Variants in CAST observed in about 807,000 individuals in gnomAD.
The protein encoded by CAST is calpastatin, also known as MIR583 host.
Under a neutral mutation model 119.6 loss-of-function variants are expected in CAST, and 76 were observed. The observed-to-expected ratio is 0.64, with a 90% CI of 0.53 to 0.77. The LOEUF is 0.77. Ranked by LOEUF, CAST falls within the 30% of genes least tolerant of loss-of-function variation. The pLI is 0.00. For synonymous variants in CAST, 319 were observed against 331.6 expected (o/e 0.96, Z 0.41); for missense variants, 953 against 946.5 (o/e 1.01, Z -0.09).
chr5:96,287,125 A>G, the CAST span, among the ~76,000 whole-genome samples: 2 of 152,002 alleles, frequency 1.3e-5, no homozygotes, highest in African/African-American at 2.4e-5. Context: ...GTTCTCAACA[A>G]TTGTGTGTTT....
the CAST span, among the ~76,000 whole-genome samples, chr5:95,977,384 C>T: frequency 1.3e-5 from 2 of 152,236 alleles, no homozygotes; most frequent in African/African-American, 4.8e-5. Context: ...AACTTAATCA[C>T]CTTCTAAAGG....
the CAST span, among the ~76,000 whole-genome samples, chr5:96,056,534 T>A: frequency 1.3e-5 from 2 of 152,248 alleles, no homozygotes; most frequent in African/African-American, 4.8e-5. Context: ...AGAGTTTGAA[T>A]CGGCATATTG....
At chr5:96,245,130 A>G in the CAST span, among the ~76,000 whole-genome samples, 4 of 152,344 alleles carry the variant, frequency 2.6e-5, no homozygotes, top group South Asian at 2.1e-4. Context: ...ATACTATGAC[A>G]TATTTAGAAA....
chr5:96,608,860 A>G (rs188255616), intron 1 of CAST, among the ~76,000 whole-genome samples: 195 of 152,208 alleles, frequency 1.3e-3, no homozygotes, highest in African/African-American at 4.4e-3. Context: ...GGTGCTACAC[A>G]CTTTTAAACA....
chr5:96,590,289 T>A (rs1180818357), intron 1 of CAST, among the ~76,000 whole-genome samples: 1 of 152,206 alleles, frequency 6.6e-6, no homozygotes, highest in Non-Finnish European at 1.5e-5. Flanking sequence ...CACAAGCATA[T>A]AAAAATTTAA....
the CAST span, among the ~76,000 whole-genome samples, chr5:96,362,725 T>C: frequency 6.6e-6 from 1 of 152,266 alleles, no homozygotes; most frequent in South Asian, 2.1e-4. Flanking sequence ...TTGTGGATTC[T>C]GGATATTAGC....
chr5:96,318,090 A>C, the CAST span, among the ~76,000 whole-genome samples: 21 of 152,338 alleles, frequency 1.4e-4, no homozygotes, highest in Non-Finnish European at 2.5e-4. Context: ...TAGGCATCTG[A>C]ACTTAAAAAA....
chr5:96,434,352 G>A, the CAST span, among the ~76,000 whole-genome samples: 3 of 152,328 alleles, frequency 2.0e-5, no homozygotes, highest in Non-Finnish European at 4.4e-5. Flanking sequence ...CAGGACTGCC[G>A]CAGGAGCTGC....
chr5:96,009,162 G>A, the CAST span, among the ~76,000 whole-genome samples: 6 of 152,068 alleles, frequency 3.9e-5, no homozygotes, highest in East Asian at 3.9e-4. Context: ...TTATGGCTGC[G>A]TAGTATTCCA....
chr5:96,081,669 C>G, the CAST span, among the ~76,000 whole-genome samples: 5 of 152,102 alleles, frequency 3.3e-5, no homozygotes, highest in Non-Finnish European at 4.4e-5. Flanking sequence ...CTCACCCACT[C>G]CCAGCCTGCT....
At chr5:96,100,055 G>T in the CAST span, among the ~76,000 whole-genome samples, 2 of 152,156 alleles carry the variant, frequency 1.3e-5, no homozygotes, top group African/African-American at 2.4e-5. Context: ...GTTCAGTGTT[G>T]GGATGGTGCT....
intron 3 of CAST, among the ~76,000 whole-genome samples, chr5:96,700,235 CT>C (rs1753723419): frequency 6.6e-6 from 1 of 152,146 alleles, no homozygotes; most frequent in East Asian, 1.9e-4. Flanking sequence ...AATAATTATG[CT>C]TATATTTTAA....
the CAST span, among the ~76,000 whole-genome samples, chr5:96,224,317 A>G: frequency 6.6e-6 from 1 of 152,204 alleles, no homozygotes; most frequent in African/African-American, 2.4e-5. Flanking sequence ...AGGCTGTATA[A>G]TGGCCACCCA....
At chr5:96,361,973 A>G in the CAST span, among the ~76,000 whole-genome samples, 3 of 151,372 alleles carry the variant, frequency 2.0e-5, no homozygotes, top group African/African-American at 7.3e-5. Flanking sequence ...TCCTAATGCT[A>G]TCCCTCCCCT....
At chr5:96,318,126 C>T in the CAST span, among the ~76,000 whole-genome samples, 1 of 152,186 alleles carries the variant, frequency 6.6e-6, no homozygotes, top group African/African-American at 2.4e-5. Context: ...GTAGTGAGAG[C>T]AGCAAAAACA....
chr5:96,186,298 G>A, the CAST span, among the ~76,000 whole-genome samples: 2 of 152,160 alleles, frequency 1.3e-5, no homozygotes, highest in South Asian at 2.1e-4. Context: ...TGCAAACAAA[G>A]ATAATTTGAC....
chr5:96,162,630 C>G, the CAST span, among the ~76,000 whole-genome samples: 1 of 152,152 alleles, frequency 6.6e-6, no homozygotes, highest in Non-Finnish European at 1.5e-5. Flanking sequence ...GTTGGCCAGG[C>G]TGATCTCGAA....
the CAST span, among the ~76,000 whole-genome samples, chr5:96,359,157 C>G: frequency 1.3e-5 from 2 of 151,902 alleles, no homozygotes; most frequent in Non-Finnish European, 2.9e-5. Flanking sequence ...GGATTGCAAC[C>G]CCTGCTTTTT....
chr5:96,761,935 A>G (rs1388686099), intron 24 of CAST: 1 of 171,548 alleles, frequency 5.8e-6, no homozygotes, highest in Non-Finnish European at 1.2e-5. Flanking sequence ...CTCACTCACT[A>G]GAACTTATTC....
Sources: allele counts gnomAD v4.1 joint callset (sites outside exome capture counted in the v4.1 genomes callset), GRCh38; gene constraint gnomAD v4.1.1; transcripts MANE v1.5; gene names NCBI Gene and HGNC (gene_info 2026-07-23, HGNC 2026-07-21).